DGCR2: variants seen among roughly 807,000 people sequenced by gnomAD.
The protein encoded by DGCR2 is integral membrane protein DGCR2/IDD.
In DGCR2, 24 loss-of-function variants were observed where a neutral mutation model predicts 51.6. The observed-to-expected ratio is 0.47, with a 90% CI of 0.34 to 0.65. The LOEUF is 0.65. DGCR2 is among the 30% of genes least tolerant of loss of function. The pLI is 0.01. For missense variants in DGCR2, 765 were observed against 772.1 expected (o/e 0.99, Z 0.11); for synonymous variants, 340 against 315.4 (o/e 1.08, Z -0.82).
intron 5 of DGCR2, among the ~76,000 whole-genome samples, chr22:19,062,618 A>G (rs1217548506): frequency 6.6e-6 from 1 of 152,140 alleles, no homozygotes; most frequent in Admixed American, 6.5e-5. Flanking sequence ...GAGTATGTCC[A>G]GGAGGAGCTC....
intron 2 of DGCR2, among the ~76,000 whole-genome samples, chr22:19,069,386 C>G (rs1029365459): frequency 6.6e-6 from 1 of 152,174 alleles, no homozygotes; most frequent in South Asian, 2.1e-4. Flanking sequence ...AATCCACATG[C>G]TTTTTTGCTC....
intron 2 of DGCR2, among the ~76,000 whole-genome samples, chr22:19,077,451 C>T (rs1295686644): frequency 6.6e-6 from 1 of 152,192 alleles, no homozygotes; most frequent in Non-Finnish European, 1.5e-5. Flanking sequence ...CTTTTTCCCT[C>T]ACTGAATGGT....
chr22:19,071,832 G>C (rs1043904667), intron 2 of DGCR2, among the ~76,000 whole-genome samples: 1 of 152,070 alleles, frequency 6.6e-6, no homozygotes, highest in Non-Finnish European at 1.5e-5. Flanking sequence ...CTTATTTTTT[G>C]ATCATAGTAT....
chr22:19,119,963 T>TC (rs2083414291), intron 1 of DGCR2, among the ~76,000 whole-genome samples: 1 of 151,820 alleles, frequency 6.6e-6, no homozygotes, highest in Admixed American at 6.6e-5. Context: ...AAGGCCGGAA[T>TC]CCCCACAGAA....
At chr22:19,120,439 G>C (rs1305730382) in intron 1 of DGCR2, among the ~76,000 whole-genome samples, 1 of 152,164 alleles carries the variant, frequency 6.6e-6, no homozygotes. Flanking sequence ...TCCACATCAG[G>C]CACTCCTAAA....
intron 1 of DGCR2, among the ~76,000 whole-genome samples, chr22:19,117,110 G>T (rs1158182135): frequency 6.6e-6 from 1 of 152,130 alleles, no homozygotes. Context: ...CTGCTAAGAG[G>T]ATCTGTGCGT....
Position 19,122,386 on chromosome 22 carries a change from G to A in DGCR2, c.-180C>T, listed in dbSNP as rs532708580. On this transcript the variant is annotated 5_prime_UTR_variant, in exon 1 of 10. Coordinates refer to ENST00000263196, the MANE Select transcript of DGCR2 (RefSeq NM_005137.3). Reference sequence around the variant, plus strand: ...GCGCACACTCTCGGCTGCAACCTCAGGCACCGACTCCAGCTGCGCGCAAGA... The same window carrying A: ...GCGCACACTCTCGGCTGCAACCTCAAGCACCGACTCCAGCTGCGCGCAAGA... 55 of 457,852 alleles carry A rather than the reference G, an allele frequency of 1.2e-4. No individual in the cohort carries two copies. The highest frequency in any genetic ancestry group is 2.0e-4 in the Non-Finnish European group (53 of 262,102). The allele number at this position is 457,852 out of a possible 1,614,324, so 28.4% of individuals were successfully genotyped here.
intron 1 of DGCR2, among the ~76,000 whole-genome samples, chr22:19,101,780 G>C (rs950883395): frequency 2.7e-5 from 4 of 150,814 alleles, no homozygotes; most frequent in African/African-American, 9.7e-5. Context: ...AGGCATGGTG[G>C]CTCACCACAC....
At chr22:19,120,457 G>T (rs756902004) in intron 1 of DGCR2, among the ~76,000 whole-genome samples, 1 of 152,202 alleles carries the variant, frequency 6.6e-6, no homozygotes, top group Non-Finnish European at 1.5e-5. Context: ...AAAAGGAGGG[G>T]CTTGTTCTTG....
rs1490082278 is a variant in DGCR2, at chr22:19,092,881, GAAGA to G, written c.80-3395_80-3392del. 2.9e-5 allele frequency among the ~76,000 whole-genome samples: 4 copies of G among 138,916 alleles called. No individual in the cohort carries two copies. The East Asian group carries it at 8.3e-4, about 29-fold the overall frequency. The allele number at this position is 138,916 out of a possible 152,430, so 91.1% of individuals were successfully genotyped here. A position where few individuals can be genotyped will look rare whatever the true frequency, so the allele number is the denominator to read the frequency against. On this transcript the variant is annotated intron_variant, in intron 1 of 9. Transcript: ENST00000263196. ...CAACAGAATGGTACTGCGAAACACGGAAGAAAGAAAAATGAAGAGGAGGAGGAGG... is the reference window on the plus strand; with the variant it reads ...CAACAGAATGGTACTGCGAAACACGGAAGAAAAATGAAGAGGAGGAGGAGG...
chr22:19,050,038 A>C (rs971144337), intron 6 of DGCR2, among the ~76,000 whole-genome samples: 8 of 152,278 alleles, frequency 5.3e-5, no homozygotes, highest in Admixed American at 5.2e-4. Context: ...GGAGAGAGAG[A>C]AAGAGGCAAA....
At chr22:19,111,856 A>AT (rs1285263355) in intron 1 of DGCR2, among the ~76,000 whole-genome samples, 19 of 73,928 alleles carry the variant, frequency 2.6e-4, no homozygotes, top group South Asian at 1.6e-3. Flanking sequence ...TTTTTTATTT[A>AT]TTTATTTTTT....
At chr22:19,058,807 G>A (rs977970566) in intron 5 of DGCR2, among the ~76,000 whole-genome samples, 1 of 152,224 alleles carries the variant, frequency 6.6e-6, no homozygotes, top group Admixed American at 6.5e-5. Flanking sequence ...CAGCAAGTCA[G>A]AGTGAGTCAG....
chr22:19,064,433 CGAAGGCCCCCTTGCTTTCTTGGGGG>C (rs2082724494), intron 4 of DGCR2, among the ~76,000 whole-genome samples: 1 of 152,222 alleles, frequency 6.6e-6, no homozygotes, highest in Non-Finnish European at 1.5e-5. Context: ...GGTCTTGAAG[CGAAGGCCCCCTTGCTTTCTTGGGGG>C]GAACCCCCAC....
intron 2 of DGCR2, among the ~76,000 whole-genome samples, chr22:19,069,280 A>C (rs1569059644): frequency 1.3e-5 from 2 of 152,320 alleles, no homozygotes; most frequent in South Asian, 2.1e-4. Flanking sequence ...CCTTCCCTGA[A>C]CCTGAACCGG....
chr22:19,040,729 CACT>C (rs58996067), intron 9 of DGCR2, among the ~76,000 whole-genome samples: 14,281 of 152,268 alleles, frequency 0.094, 737 homozygotes, highest in Middle Eastern at 0.15. Flanking sequence ...TCACAACCAC[CACT>C]GTCGGGCTCC....
intron 4 of DGCR2, 152 bp downstream of exon 4, chr22:19,064,696 G>A: frequency 1.4e-6 from 1 of 695,008 alleles, no homozygotes; most frequent in Non-Finnish European, 2.4e-6. Context: ...TCCTACCCAT[G>A]GATCTCCTGG....
intron 1 of DGCR2, among the ~76,000 whole-genome samples, chr22:19,118,070 GA>G (rs1453368087): frequency 6.6e-6 from 1 of 152,126 alleles, no homozygotes; most frequent in Non-Finnish European, 1.5e-5. Flanking sequence ...TCACATGAAA[GA>G]AAACTCTGGA....
intron 2 of DGCR2, among the ~76,000 whole-genome samples, chr22:19,085,186 C>T (rs1268857281): frequency 6.6e-6 from 1 of 151,110 alleles, no homozygotes; most frequent in Non-Finnish European, 1.5e-5. Flanking sequence ...GGGTTTAATA[C>T]AGAAAATAGG....
Sources: allele counts gnomAD v4.1 joint callset (sites outside exome capture counted in the v4.1 genomes callset), GRCh38; gene constraint gnomAD v4.1.1; transcripts MANE v1.5; gene names NCBI Gene and HGNC (gene_info 2026-07-23, HGNC 2026-07-21).